AKAP6: variants seen among roughly 807,000 people sequenced by gnomAD.
AKAP6 encodes the protein A-kinase anchoring protein 6.
A neutral mutation model predicts 188.5 loss-of-function variants in AKAP6; 58 were observed. The ratio of observed to expected loss-of-function variants is 0.31; its 90% CI spans 0.25 to 0.38. The LOEUF (loss-of-function observed/expected upper bound fraction) is 0.38. Among genes scored for constraint, AKAP6 ranks in the 10% least tolerant of loss-of-function variants. AKAP6 has a pLI of 1.00. For synonymous variants in AKAP6, 989 were observed against 998.6 expected (o/e 0.99, Z 0.18); for missense variants, 2,710 against 2,740.0 (o/e 0.99, Z 0.24).
chr14:32,778,487 G>A (rs1258898592), intron 12 of AKAP6, among the ~76,000 whole-genome samples: 1 of 151,682 alleles, frequency 6.6e-6, no homozygotes. Context: ...TTTTTGAAAA[G>A]AGGATTAAAG....
In AKAP6 at chr14:32,602,543, G is replaced by A. The variant is rs373477987; in HGVS notation, c.2730+1751G>A. 1.1e-4 allele frequency among the ~76,000 whole-genome samples: 17 copies of A among 152,044 alleles called. No homozygotes were observed. In the South Asian group the frequency reaches 2.7e-3, roughly 24 times the overall value. ...ATTTTAGCTGGGTATGGTGACATGC[G>A]CCTATAATCTGAGCTACTCAGGAGG... On this transcript the variant is annotated intron_variant, in intron 7 of 13. Transcript: ENST00000280979.
At chr14:32,578,949 A>G (rs530818676) in intron 5 of AKAP6, among the ~76,000 whole-genome samples, 2 of 152,108 alleles carry the variant, frequency 1.3e-5, no homozygotes, top group African/African-American at 4.8e-5. Context: ...TTCTAGCCCA[A>G]TGCAGTTCAC....
At chr14:32,648,106 A>G (rs902388359) in intron 7 of AKAP6, among the ~76,000 whole-genome samples, 4 of 152,018 alleles carry the variant, frequency 2.6e-5, no homozygotes, top group Non-Finnish European at 4.4e-5. Context: ...AAGCATGAGA[A>G]TTGTATGTGT....
At chr14:32,669,440 G>A (rs1017623214) in intron 7 of AKAP6, among the ~76,000 whole-genome samples, 1 of 152,166 alleles carries the variant, frequency 6.6e-6, no homozygotes, top group Non-Finnish European at 1.5e-5. Context: ...GACAAAGGAA[G>A]TGCACTTAGA....
chr14:32,394,292 T>C (rs1177465979), intron 1 of AKAP6, among the ~76,000 whole-genome samples: 1 of 152,160 alleles, frequency 6.6e-6, no homozygotes, highest in African/African-American at 2.4e-5. Context: ...TCACAAGAGA[T>C]ATGTTCTCTG....
intron 2 of AKAP6, among the ~76,000 whole-genome samples, chr14:32,534,131 A>G (rs1882561196): frequency 6.6e-6 from 1 of 152,170 alleles, no homozygotes; most frequent in Admixed American, 6.5e-5. Flanking sequence ...TACAGATTAT[A>G]TATTTTCATT....
At chr14:32,562,495 C>A (rs1385559885) in intron 4 of AKAP6, among the ~76,000 whole-genome samples, 2 of 152,192 alleles carry the variant, frequency 1.3e-5, no homozygotes, top group African/African-American at 4.8e-5. Flanking sequence ...CAGTGGCTCA[C>A]ACCTGTAATC....
At chr14:32,344,647 G>T (rs1264028196) in intron 1 of AKAP6, among the ~76,000 whole-genome samples, 2 of 152,146 alleles carry the variant, frequency 1.3e-5, no homozygotes, top group African/African-American at 4.8e-5. Flanking sequence ...TGGACGCAGT[G>T]GCTCACACAT....
intron 2 of AKAP6, among the ~76,000 whole-genome samples, chr14:32,519,679 T>C (rs917962926): frequency 2.6e-5 from 4 of 151,462 alleles, no homozygotes; most frequent in Admixed American, 6.6e-5. Context: ...AATACAGGAG[T>C]ACCCAGATTC....
chr14:32,658,372 C>T (rs963793254), intron 7 of AKAP6, among the ~76,000 whole-genome samples: 2 of 151,962 alleles, frequency 1.3e-5, no homozygotes, highest in African/African-American at 2.4e-5. Context: ...GTACATATCT[C>T]CCTGTTTAAT....
chr14:32,553,305 G>A (rs1296093172), intron 4 of AKAP6, among the ~76,000 whole-genome samples: 1 of 151,632 alleles, frequency 6.6e-6, no homozygotes, highest in Non-Finnish European at 1.5e-5. Context: ...CCAGTAGCTG[G>A]GATTACAGGC....
At chr14:32,486,268 C>A (rs1879685906) in intron 2 of AKAP6, among the ~76,000 whole-genome samples, 1 of 82,326 alleles carries the variant, frequency 1.2e-5, no homozygotes, top group African/African-American at 5.4e-5. Context: ...CAGCTTTGTT[C>A]TTTTTGCTTA....
rs71432061 is a variant in AKAP6 at position 32,499,328 on chromosome 14, CAAA to C, written c.325-36209_325-36207del. On this transcript the variant is annotated intron_variant, in intron 2 of 13. Coordinates refer to ENST00000280979, the MANE Select transcript of AKAP6 (RefSeq NM_004274.5). The stretch of plus-strand genomic sequence containing the variant: ...ACATGATAAAAAATAAGTGTAACAG[CAAA>C]AAAAAAAAAAAAAAAAGAGAGAAAG... 8.1e-5 allele frequency among the ~76,000 whole-genome samples: 9 copies of C among 111,062 alleles called. No homozygotes were observed. In the South Asian group the frequency reaches 2.3e-3, roughly 29 times the overall value. The allele number at this position is 111,062 out of a possible 152,430, so 72.9% of individuals were successfully genotyped here.
chr14:32,597,792 C>T (rs892426364), intron 5 of AKAP6, among the ~76,000 whole-genome samples: 1 of 152,184 alleles, frequency 6.6e-6, no homozygotes, highest in African/African-American at 2.4e-5. Flanking sequence ...TAATGACTTA[C>T]AATTATAATA....
Position 32,824,798 on chromosome 14 carries a change from A to C in AKAP6, c.*25A>C, listed in dbSNP as rs1347280213. 1 of 1,591,772 alleles carries C rather than the reference A, an allele frequency of 6.3e-7. No homozygotes were observed. The highest frequency in any genetic ancestry group is 8.5e-7 in the Non-Finnish European group (1 of 1,170,964). The stretch of plus-strand genomic sequence containing the variant: ...GAATGTACCCCCTCCCCAAGCATGA[A>C]AATCATCTCACTGAAAGGTACGTAT... On this transcript the variant is annotated 3_prime_UTR_variant, in exon 13 of 14. Transcript: ENST00000280979.
chr14:32,718,338 A>T, intron 9 of AKAP6: 3 of 985,242 alleles, frequency 3.0e-6, no homozygotes, highest in Middle Eastern at 1.0e-3. Flanking sequence ...TAAAGCCTAA[A>T]ATCTCTAAAA....
At chr14:32,551,571 CAAAAA>C (rs1184190008) in intron 4 of AKAP6, among the ~76,000 whole-genome samples, 3 of 50,972 alleles carry the variant, frequency 5.9e-5, no homozygotes, top group African/African-American at 1.3e-4. Flanking sequence ...GACTTGGTCT[CAAAAA>C]AAAAAAAAAA....
intron 2 of AKAP6, chr14:32,474,276 G>A (rs572221310): frequency 4.6e-5 from 7 of 152,220 alleles, no homozygotes; most frequent in Admixed American, 3.9e-4. Context: ...CACGTGTTTC[G>A]TTTTGTGACA....
At position 32,773,705 on chromosome 14, in the gene AKAP6, C is replaced by T. The variant is rs1288434091; in HGVS notation, c.3400C>T (p.Arg1134Cys). ...CCTCTGTCGTGAAATCAAGCAACGA[C>T]GTCGAGGAGTTGCCTCCATTCTGCG... Reference protein sequence around the residue: ...KSLCREIKQRRRGVASILRLC... With the variant: ...KSLCREIKQRCRGVASILRLC... The change falls in exon 12 of 14, where the codon CGT becomes TGT. Residue 1134 changes from arginine to cysteine, a missense_variant. Coordinates refer to ENST00000280979, the MANE Select transcript of AKAP6 (RefSeq NM_004274.5). 4.3e-6 allele frequency: 7 copies of T among 1,613,948 alleles called. No homozygotes were observed. Among genetic ancestry groups the T allele is most frequent in the African/African-American group, 1.3e-5 (1 of 74,898 alleles).
Sources: gnomAD v4.1 joint callset for allele counts (sites outside exome capture counted in the v4.1 genomes callset) on GRCh38, gnomAD v4.1.1 for gene constraint, MANE v1.5 for transcripts, NCBI Gene and HGNC (gene_info 2026-07-23, HGNC 2026-07-21) for gene names.